The following PCDHGA12 variants were observed in gnomAD, a reference collection of about 807,000 sequenced individuals.
The protein encoded by PCDHGA12 is protocadherin gamma subfamily A, 12, also known as protocadherin gamma-A12.
PCDHGA12 carries 43 observed loss-of-function variants against 61.1 expected under a neutral mutation model. The observed-to-expected ratio is 0.70, with a 90% CI of 0.55 to 0.91. The LOEUF (loss-of-function observed/expected upper bound fraction) is 0.91. PCDHGA12 is among the 40% of genes least tolerant of loss of function. The pLI is 0.00. For synonymous variants in PCDHGA12, 520 were observed against 542.9 expected (o/e 0.96, Z 0.59); for missense variants, 1,236 against 1,227.7 (o/e 1.01, Z -0.10).
At position 141,490,176 on chromosome 5, in the gene PCDHGA12, G is replaced by T. The variant is rs758876319; in HGVS notation, c.2425-4631G>T. On this transcript the variant is annotated intron_variant, in intron 1 of 3. Transcript: ENST00000252085. This position sits in a 1 kb window ranked among gnomAD's most constrained non-coding sequence, Gnocchi z 5.4. ...TGTTGGGTCCCATAGACTTTGAGGAGTCACGTTTCTATGAAATTCATGCAA... is the reference window on the plus strand; with the variant it reads ...TGTTGGGTCCCATAGACTTTGAGGATTCACGTTTCTATGAAATTCATGCAA... 12 of 1,614,100 alleles carry T rather than the reference G, an allele frequency of 7.4e-6. No homozygotes were observed. Among genetic ancestry groups the T allele is most frequent in the Non-Finnish European group, 1.0e-5 (12 of 1,180,046 alleles).
In PCDHGA12 at chr5:141,477,551, C is replaced by T. The variant is rs372055994; in HGVS notation, c.2425-17256C>T. ...CCTCCCCGGGGCTCCAATACTAAAC[C>T]TAAGTGTCTGGGACCCCGACGCCCC... On this transcript the variant is annotated intron_variant, in intron 1 of 3. Coordinates refer to ENST00000252085, the MANE Select transcript of PCDHGA12 (RefSeq NM_003735.3). The surrounding 1 kb of genome is among the most constrained non-coding windows in gnomAD (Gnocchi z 4.9). The T allele has an allele frequency of 8.1e-6, 13 of 1,614,060 alleles. No homozygotes were observed. Among genetic ancestry groups the T allele is most frequent in the Non-Finnish European group, 1.0e-5 (12 of 1,180,042 alleles).
chr5:141,430,996 G>C lies in PCDHGA12; in HGVS notation c.237G>C (p.Pro79=). Residue 79 remains proline, a synonymous_variant, in exon 1 of 4, where the codon CCG becomes CCC. Coordinates refer to ENST00000252085, the MANE Select transcript of PCDHGA12 (RefSeq NM_003735.3). ...GGACGCAGCTTTTCGCCCTGAATCC[G>C]CGCAGCGGCAGCTTGGTCACGGCGG... The part of the protein sequence containing the change: ...RGRTQLFALN[P]RSGSLVTAGR... 8 of 1,614,024 alleles carry C rather than the reference G, an allele frequency of 5.0e-6. No homozygotes were observed. Among genetic ancestry groups the C allele is most frequent in the Middle Eastern group, 3.3e-4 (2 of 6,062 alleles).
rs1264759473 is a variant in PCDHGA12 at position 141,486,183 on chromosome 5, G to A, written c.2425-8624G>A. On this transcript the variant is annotated intron_variant, in intron 1 of 3. Transcript: ENST00000252085. The surrounding 1 kb of genome is among the most constrained non-coding windows in gnomAD (Gnocchi z 5.0). The stretch of plus-strand genomic sequence containing the variant: ...GCCATGGAGCAACATTGCAGCCTTC[G>A]AGTGGATCTGCTGGACGTAAATGAC... 3 of 1,614,154 alleles carry A rather than the reference G, an allele frequency of 1.9e-6. No homozygotes were observed. The highest frequency in any genetic ancestry group is 1.1e-5 in the South Asian group (1 of 91,082).
intron 1 of PCDHGA12, among the ~76,000 whole-genome samples, chr5:141,475,750 T>C (rs1158317865): frequency 6.6e-6 from 1 of 152,270 alleles, no homozygotes; most frequent in African/African-American, 2.4e-5. Context: ...AGGTTTCCTA[T>C]GCACCGATAC....
At chr5:141,497,077 G>A (rs191605427) in intron 2 of PCDHGA12, among the ~76,000 whole-genome samples, 4 of 151,990 alleles carry the variant, frequency 2.6e-5, no homozygotes, top group East Asian at 3.9e-4. Flanking sequence ...TAATCCCAGC[G>A]ACTTAGGAGG....
At chr5:141,499,323 GCTCT>G (rs1259902316) in intron 2 of PCDHGA12, among the ~76,000 whole-genome samples, 1 of 152,046 alleles carries the variant, frequency 6.6e-6, no homozygotes, top group East Asian at 1.9e-4. Context: ...CAGTATCCCT[GCTCT>G]CTCTCAGTTT....
Position 141,512,288 on chromosome 5 carries a change from TCAGCGGAGCCCCAGCAGGAAGGGTGGGC to T in PCDHGA12, c.*1120_*1147del, listed in dbSNP as rs1375137843. The T allele has an allele frequency of 6.5e-6, 1 of 152,680 alleles. No individual in the cohort carries two copies. Among genetic ancestry groups the T allele is most frequent in the Non-Finnish European group, 1.5e-5 (1 of 68,182 alleles). The allele number at this position is 152,680 out of a possible 1,614,324, so 9.5% of individuals were successfully genotyped here. ...TCCAGAGGTGCCACTGGTGGAAGGG[TCAGCGGAGCCCCAGCAGGAAGGGTGGGC>T]CAGCCAGGCCATTCTTAGTCCCTGG... On this transcript the variant is annotated 3_prime_UTR_variant, in exon 4 of 4. Coordinates refer to ENST00000252085, the MANE Select transcript of PCDHGA12 (RefSeq NM_003735.3).
rs553772792 is a variant in PCDHGA12, at chr5:141,444,542, G to A, written c.2424+11359G>A. ...AGGTGAGACAGTGACTGTGTCTAGT[G>A]AGCAAAAGGCACTTATTTGACACTT... On this transcript the variant is annotated intron_variant, in intron 1 of 3. Coordinates refer to ENST00000252085, the MANE Select transcript of PCDHGA12 (RefSeq NM_003735.3). 3.3e-5 allele frequency among the ~76,000 whole-genome samples: 5 copies of A among 152,156 alleles called. No individual in the cohort carries two copies. The East Asian group carries it at 7.7e-4, about 24-fold the overall frequency.
rs2097549501 is a variant in PCDHGA12 at position 141,432,920 on chromosome 5, A to T, written c.2161A>T (p.Lys721Ter). ...GGCGCTCAGGCTGCGGCGCTGGCAC[A>T]AGTCACGCCTGCTGCAGGCTTCAGG... ...LLALRLRRWH[K>*]SRLLQASGGG... The change falls in exon 1 of 4, where the codon AAG (lysine) becomes TAG (stop). Residue 721 changes from lysine to a stop codon, truncating the protein, a stop_gained. Transcript: ENST00000252085. LOFTEE classifies it high-confidence loss of function. The surrounding 1 kb of genome is among the most constrained non-coding windows in gnomAD (Gnocchi z 6.0). 1 of 1,614,022 alleles carries T rather than the reference A, an allele frequency of 6.2e-7. No homozygotes were observed.
In PCDHGA12 at chr5:141,476,839, G is replaced by T; in HGVS notation, c.2425-17968G>T. The T allele has an allele frequency of 1.9e-6, 3 of 1,613,610 alleles. No individual in the cohort carries two copies. Among genetic ancestry groups the T allele is most frequent in the East Asian group, 2.2e-5 (1 of 44,862 alleles). ...AGGTGCTGGACGCGAATGACAATGC[G>T]CCTGTCTTCAACCAGTCCTTGTACC... On this transcript the variant is annotated intron_variant, in intron 1 of 3. Coordinates refer to ENST00000252085, the MANE Select transcript of PCDHGA12 (RefSeq NM_003735.3). This position sits in a 1 kb window ranked among gnomAD's most constrained non-coding sequence, Gnocchi z 7.6.
At position 141,491,346 on chromosome 5, in the gene PCDHGA12, T is replaced by A. The variant is rs760843553; in HGVS notation, c.2425-3461T>A. ...TCATTGTGGCTCTAGCGACCGTCAG[T>A]CTCTTATCCCTAGTCACCTTCACCT... On this transcript the variant is annotated intron_variant, in intron 1 of 3. Coordinates refer to ENST00000252085, the MANE Select transcript of PCDHGA12 (RefSeq NM_003735.3). This position sits in a 1 kb window ranked among gnomAD's most constrained non-coding sequence, Gnocchi z 6.9. The A allele has an allele frequency of 6.2e-7, 1 of 1,614,088 alleles. No individual in the cohort carries two copies. The highest frequency in any genetic ancestry group is 1.1e-5 in the South Asian group (1 of 91,080).
chr5:141,433,592 T>C (rs1043652093), intron 1 of PCDHGA12, among the ~76,000 whole-genome samples: 5 of 152,020 alleles, frequency 3.3e-5, no homozygotes, highest in Non-Finnish European at 7.4e-5. Context: ...TCCCAGTACT[T>C]TGGGAGGCCG....
Position 141,490,800 on chromosome 5 carries a change from TACCTTTG to T in PCDHGA12, c.2425-4004_2425-3998del, listed in dbSNP as rs763340907. Reference sequence around the variant, plus strand: ...AGGATGGACGGATCTTTGCCCAGCGTACCTTTGACTATGAATTGCTGCAGATGCTGCA... The same window carrying T: ...AGGATGGACGGATCTTTGCCCAGCGTACTATGAATTGCTGCAGATGCTGCA... On this transcript the variant is annotated intron_variant, in intron 1 of 3. Transcript: ENST00000252085. The surrounding 1 kb of genome is among the most constrained non-coding windows in gnomAD (Gnocchi z 5.4). 2.5e-6 allele frequency: 4 copies of T among 1,613,968 alleles called. No homozygotes were observed. The highest frequency in any genetic ancestry group is 1.7e-6 in the Non-Finnish European group (2 of 1,179,894).
rs1205353926 is a variant in PCDHGA12 at position 141,477,969 on chromosome 5, T to A, written c.2425-16838T>A. 6.2e-7 allele frequency: 1 copy of A among 1,613,962 alleles called. No homozygotes were observed. Among genetic ancestry groups the A allele is most frequent in the Non-Finnish European group, 8.5e-7 (1 of 1,180,032 alleles). ...CTCTTGGGATCCCCTAACCAGAGCC[T>A]TTTTGCCATAGGGCTGCACACTGGT... On this transcript the variant is annotated intron_variant, in intron 1 of 3. Coordinates refer to ENST00000252085, the MANE Select transcript of PCDHGA12 (RefSeq NM_003735.3). The surrounding 1 kb of genome is among the most constrained non-coding windows in gnomAD (Gnocchi z 4.9).
intron 2 of PCDHGA12, among the ~76,000 whole-genome samples, chr5:141,497,158 T>A (rs2099774560): frequency 6.6e-6 from 1 of 151,860 alleles, no homozygotes; most frequent in African/African-American, 2.4e-5. Flanking sequence ...AAAAATAATC[T>A]AGCCACAAAT....
Position 141,431,633 on chromosome 5 carries a change from T to A in PCDHGA12, c.874T>A (p.Phe292Ile). ...TGTGGACGACAAGGCGGCCCAAGTT[T>A]TCAAACTAGATTGTAATTCAGGGAC... ...RYVDDKAAQVFKLDCNSGTIS... is the reference protein window; with the variant it reads ...RYVDDKAAQVIKLDCNSGTIS... The change falls in exon 1 of 4, where the codon TTC (phenylalanine) becomes ATC (isoleucine). Residue 292 changes from phenylalanine to isoleucine, a missense_variant. Coordinates refer to ENST00000252085, the MANE Select transcript of PCDHGA12 (RefSeq NM_003735.3). The surrounding 1 kb of genome is among the most constrained non-coding windows in gnomAD (Gnocchi z 4.8). 1 of 1,614,240 alleles carries A rather than the reference T, an allele frequency of 6.2e-7. No individual in the cohort carries two copies. The highest frequency in any genetic ancestry group is 8.5e-7 in the Non-Finnish European group (1 of 1,180,048).
intron 1 of PCDHGA12, chr5:141,478,647 T>G (rs2099469515): frequency 6.4e-7 from 1 of 1,552,152 alleles, no homozygotes; most frequent in Non-Finnish European, 8.7e-7. Flanking sequence ...GAAGATGTTT[T>G]CCTGGTGATG....
chr5:141,498,919 CG>C (rs2099786825), intron 2 of PCDHGA12, among the ~76,000 whole-genome samples: 1 of 122,240 alleles, frequency 8.2e-6, no homozygotes, highest in African/African-American at 3.1e-5. Context: ...GGTGACAGAG[CG>C]AGACTCCATC....
chr5:141,477,777 A>G lies in PCDHGA12; in HGVS notation c.2425-17030A>G, dbSNP rs775845004. ...GTCCTAGCCACCAACATCAGCGTGA[A>G]CATATTTGTCACTGATCGCAATGAC... is the stretch of plus-strand genomic sequence containing the variant. On this transcript the variant is annotated intron_variant, in intron 1 of 3. Transcript: ENST00000252085. The surrounding 1 kb of genome is among the most constrained non-coding windows in gnomAD (Gnocchi z 4.9). The G allele has an allele frequency of 1.9e-4, 299 of 1,613,944 alleles. No homozygotes were observed. Among genetic ancestry groups the G allele is most frequent in the Non-Finnish European group, 2.5e-4 (295 of 1,180,048 alleles).
Sources: allele counts gnomAD v4.1 joint callset (sites outside exome capture counted in the v4.1 genomes callset), GRCh38; gene constraint gnomAD v4.1.1; non-coding constraint Gnocchi (gnomAD v3.1); transcripts MANE v1.5; gene names NCBI Gene and HGNC (gene_info 2026-07-23, HGNC 2026-07-21).